Variants in ZNF577 observed in about 807,000 individuals in gnomAD.
The protein encoded by ZNF577 is zinc finger protein 577.
Under a neutral mutation model 13.9 loss-of-function variants are expected in ZNF577, and 14 were observed. The observed-to-expected ratio is 1.00, with a 90% CI of 0.66 to 1.57. The LOEUF is 1.57. Ranked by LOEUF, ZNF577 falls within the 40% of genes most tolerant of loss-of-function variation. The pLI is 0.00. For missense variants in ZNF577, 555 were observed against 579.2 expected, an observed-to-expected ratio of 0.96 and a Z score of 0.43; for synonymous variants, 203 against 202.9, an observed-to-expected ratio of 1.00 and a Z score of 0.00.
At chr19:51,881,582 C>T (rs1360637732) in intron 1 of ZNF577, among the ~76,000 whole-genome samples, 1 of 152,170 alleles carries the variant, frequency 6.6e-6, no homozygotes, top group East Asian at 1.9e-4. Flanking sequence ...CTTGAATCTA[C>T]ATCTGGGGTC....
At chr19:51,814,087 T>C (rs2084116816) in intron 9 of ZNF577, among the ~76,000 whole-genome samples, 1 of 152,228 alleles carries the variant, frequency 6.6e-6, no homozygotes, top group South Asian at 2.1e-4. Flanking sequence ...GTAAATTCCT[T>C]CTTGGTTTAT....
intron 9 of ZNF577, chr19:51,823,768 T>C (rs1160968551): frequency 6.3e-7 from 1 of 1,594,838 alleles, no homozygotes; most frequent in East Asian, 2.2e-5. Flanking sequence ...AACTTCTCCA[T>C]TCCTCTGAAT....
chr19:51,873,822 T>C (rs1404265888), intron 5 of ZNF577, 116 bp from the exon 6 acceptor site: 1 of 842,316 alleles, frequency 1.2e-6, no homozygotes, highest in East Asian at 2.7e-5. Flanking sequence ...TTTGTTGACA[T>C]CTTTCAAAAT....
In ZNF577 at chr19:51,873,061, T is replaced by C; in HGVS notation, c.929A>G (p.Lys310Arg). 6.2e-7 allele frequency: 1 copy of C among 1,614,232 alleles called. No homozygotes were observed. Among genetic ancestry groups the C allele is most frequent in the Non-Finnish European group, 8.5e-7 (1 of 1,180,044 alleles). The change falls in exon 6 of 6, where the codon AAG becomes AGG. Residue 310 changes from lysine to arginine, a missense_variant. Coordinates refer to ENST00000638348, the MANE Select transcript of ZNF577 (RefSeq NM_001370449.1). ...CCTCTGATGTCTGGTCAGGTCTGAC[T>C]TAAAATAGAAGGTTCTTCCACAATC... ...CSDCGRTFYF[K>R]SDLTRHQRIH...
At chr19:51,847,641 C>T (rs2122556263) in intron 5 of ZNF577, among the ~76,000 whole-genome samples, 1 of 152,246 alleles carries the variant, frequency 6.6e-6, no homozygotes, top group South Asian at 2.1e-4. Context: ...CCTCAATCCA[C>T]AGCTCTAAAC....
intron 5 of ZNF577, among the ~76,000 whole-genome samples, chr19:51,857,346 G>GAAAC (rs1384482827): frequency 7.4e-6 from 1 of 135,152 alleles, no homozygotes. Flanking sequence ...GAGAAAGAAA[G>GAAAC]AGAGAAAGAA....
chr19:51,829,393 G>T (rs1183097119), intron 9 of ZNF577, among the ~76,000 whole-genome samples: 1 of 151,664 alleles, frequency 6.6e-6, no homozygotes, highest in African/African-American at 2.4e-5. Flanking sequence ...CCTGTGCACA[G>T]ATGATTAAAT....
In ZNF577 at chr19:51,871,054, G is replaced by A. The variant is rs1238024228; in HGVS notation, c.*1478C>T. ...CTATGAAAAAGTTAGTCAATATCCA[G>A]GTGCATTATGTCATATGCATTCCGT... On this transcript the variant is annotated 3_prime_UTR_variant, in exon 6 of 6. Transcript: ENST00000638348. 6.6e-6 allele frequency among the ~76,000 whole-genome samples: 1 copy of A among 152,112 alleles called. No homozygotes were observed. Among genetic ancestry groups the A allele is most frequent in the African/African-American group, 2.4e-5 (1 of 41,396 alleles).
At chr19:51,834,368 T>C (rs567753966) in intron 9 of ZNF577, among the ~76,000 whole-genome samples, 1 of 152,332 alleles carries the variant, frequency 6.6e-6, no homozygotes, top group South Asian at 2.1e-4. Context: ...TTATAAACCA[T>C]TTCTTACACC....
Position 51,872,778 on chromosome 19 carries a change from T to A in ZNF577, c.1212A>T (p.Ile404=), listed in dbSNP as rs778190488. The stretch of plus-strand genomic sequence containing the variant: ...CTGTGTTCACAGTCTTTTGCTCTTG[T>A]ATGAGTTCGCTCATGTATAAGGAGG... The part of the protein sequence containing the change: ...SHTSLYMSEL[I]QEQKTVNTVP... Residue 404 remains isoleucine (I), a synonymous_variant, in exon 6 of 6, where the codon ATA becomes ATT. Transcript: ENST00000638348. 2 of 1,614,120 alleles carry A rather than the reference T, an allele frequency of 1.2e-6. No homozygotes were observed. The highest frequency in any genetic ancestry group is 2.2e-5 in the East Asian group (1 of 44,898).
intron 9 of ZNF577, chr19:51,823,983 C>A (rs769430733): frequency 2.2e-5 from 36 of 1,613,978 alleles, no homozygotes; most frequent in Non-Finnish European, 2.9e-5. Flanking sequence ...TGCCATCCTA[C>A]CATTCCGAAT....
At chr19:51,820,115 G>A (rs2084177180) in intron 9 of ZNF577, among the ~76,000 whole-genome samples, 1 of 152,220 alleles carries the variant, frequency 6.6e-6, no homozygotes, top group Non-Finnish European at 1.5e-5. Flanking sequence ...TCAGCTGAGA[G>A]TGGAATAGTA....
intron 9 of ZNF577, among the ~76,000 whole-genome samples, chr19:51,812,464 A>T (rs2084104171): frequency 6.6e-6 from 1 of 152,228 alleles, no homozygotes. Flanking sequence ...ATATTATTAA[A>T]AATTGCTAAT....
At chr19:51,829,967 A>G (rs1368119272) in intron 9 of ZNF577, among the ~76,000 whole-genome samples, 1 of 152,182 alleles carries the variant, frequency 6.6e-6, no homozygotes, top group Non-Finnish European at 1.5e-5. Context: ...TTTAGTAACA[A>G]TTTGTAAAGT....
At chr19:51,825,148 C>A (rs774034054) in intron 9 of ZNF577, 1 of 245,348 alleles carries the variant, frequency 4.1e-6, no homozygotes, top group African/African-American at 2.3e-5. Context: ...AGGGTTCCCA[C>A]TACCCCCTCT....
chr19:51,854,486 G>A lies in ZNF577; in HGVS notation c.284-9555C>T, dbSNP rs1019889181. Among the ~76,000 whole-genome samples the A allele has an allele frequency of 3.5e-5, 5 of 144,408 alleles. No individual in the cohort carries two copies. The East Asian group carries it at 7.9e-4, about 23-fold the overall frequency. 94.7% of individuals were successfully genotyped at this position (144,408 alleles called of 152,430 possible). ...TGGGACTACAGGAATGCACCACCAT[G>A]CCCAGCTAAATTTTTTTTTTTTTTT... is the stretch of plus-strand genomic sequence containing the variant. On this transcript the variant is annotated intron_variant and NMD_transcript_variant, in intron 5 of 10. Coordinates refer to the ZNF577 transcript ENST00000638827.
chr19:51,866,309 T>C (rs549067720), downstream of ZNF577, among the ~76,000 whole-genome samples: 1 of 151,994 alleles, frequency 6.6e-6, no homozygotes, highest in South Asian at 2.1e-4. Context: ...TGAGCCAAGA[T>C]TGCACCACTG....
intron 1 of ZNF577, among the ~76,000 whole-genome samples, 173 bp downstream of exon 1, chr19:51,886,648 A>C (rs1029061592): frequency 6.6e-6 from 1 of 152,232 alleles, no homozygotes; most frequent in Non-Finnish European, 1.5e-5. Flanking sequence ...AGAGAAATAA[A>C]AACTTGATAA....
In ZNF577 at chr19:51,855,575, C is replaced by CA. The variant is rs1568441480; in HGVS notation, c.284-10645dup. ...GCCTTCTAGATCCTCAGGAATATGT[C>CA]AGAGTATTTAAGAGTTCCCTATTAA... On this transcript the variant is annotated intron_variant and NMD_transcript_variant, in intron 5 of 10. Transcript: ENST00000638827. 2.0e-5 allele frequency among the ~76,000 whole-genome samples: 3 copies of CA among 152,058 alleles called. No homozygotes were observed. The East Asian group carries it at 5.8e-4, about 29-fold the overall frequency.
Sources: allele counts gnomAD v4.1 joint callset (sites outside exome capture counted in the v4.1 genomes callset), GRCh38; gene constraint gnomAD v4.1.1; transcripts MANE v1.5; gene names NCBI Gene and HGNC (gene_info 2026-07-23, HGNC 2026-07-21).